Variants in CBLB observed in about 807,000 individuals in gnomAD.
The protein encoded by CBLB is E3 ubiquitin-protein ligase CBL-B.
In CBLB, 31 loss-of-function variants were observed where a neutral mutation model predicts 104.9. The observed-to-expected ratio is 0.30, with a 90% CI of 0.22 to 0.40. The LOEUF (loss-of-function observed/expected upper bound fraction) is 0.40, where lower values mean the gene tolerates loss of function less well. Among genes scored for constraint, CBLB ranks in the 10% least tolerant of loss-of-function variants. CBLB has a pLI of 1.00. For missense variants in CBLB, 1,062 were observed against 1,214.6 expected, an observed-to-expected ratio of 0.87 and a Z score of 1.87; for synonymous variants, 440 against 422.6, an observed-to-expected ratio of 1.04 and a Z score of -0.51.
chr3:105,659,617 TG>T (rs1406507644), intron 18 of CBLB, among the ~76,000 whole-genome samples: 4 of 152,202 alleles, frequency 2.6e-5, no homozygotes, highest in Non-Finnish European at 5.9e-5. Flanking sequence ...CTCTGGTTGA[TG>T]GTTCTCCAGA....
At chr3:105,680,925 T>C (rs1349242641) in intron 16 of CBLB, 2 of 158,918 alleles carry the variant, frequency 1.3e-5, no homozygotes, top group East Asian at 3.7e-4. Flanking sequence ...CCTTCACCTG[T>C]GGATACAAAC....
At chr3:105,729,256 T>A (rs2152847340) in intron 9 of CBLB, among the ~76,000 whole-genome samples, 1 of 152,240 alleles carries the variant, frequency 6.6e-6, no homozygotes, top group African/African-American at 2.4e-5. Flanking sequence ...AATAGAAATT[T>A]CAGGTTTAAT....
intron 10 of CBLB, among the ~76,000 whole-genome samples, chr3:105,714,083 G>A (rs764727676): frequency 2.6e-5 from 4 of 151,736 alleles, no homozygotes; most frequent in African/African-American, 4.8e-5. Flanking sequence ...TTGATCTTAC[G>A]GCTCCAACAC....
chr3:105,709,416 T>C (rs1025205775), intron 10 of CBLB, among the ~76,000 whole-genome samples: 2 of 151,912 alleles, frequency 1.3e-5, no homozygotes, highest in African/African-American at 2.4e-5. Context: ...TTTTTCTCTC[T>C]TCATTATAAA....
At chr3:105,691,088 G>A (rs2152750993) in intron 13 of CBLB, among the ~76,000 whole-genome samples, 1 of 152,308 alleles carries the variant, frequency 6.6e-6, no homozygotes, top group South Asian at 2.1e-4. Context: ...TTTAGCATAT[G>A]CATATGCTTG....
At chr3:105,735,546 T>C (rs2074824661) in intron 8 of CBLB, among the ~76,000 whole-genome samples, 1 of 152,206 alleles carries the variant, frequency 6.6e-6, no homozygotes, top group Non-Finnish European at 1.5e-5. Flanking sequence ...GATTTATTTT[T>C]TTAATGGCTT....
At chr3:105,865,205 G>C (rs2092355513) in intron 2 of CBLB, among the ~76,000 whole-genome samples, 1 of 152,096 alleles carries the variant, frequency 6.6e-6, no homozygotes, top group African/African-American at 2.4e-5. Flanking sequence ...ACAAAAGAGG[G>C]GGATGTTTCT....
Position 105,759,779 on chromosome 3 carries a change from G to A in CBLB, c.567-8161C>T, listed in dbSNP as rs189260571. Among the ~76,000 whole-genome samples the A allele has an allele frequency of 6.6e-4, 100 of 152,250 alleles. 2 individuals carry two copies. In the East Asian group the frequency reaches 0.013, roughly 19 times the overall value. On this transcript the variant is annotated intron_variant, in intron 4 of 18. Coordinates refer to ENST00000394030, the MANE Select transcript of CBLB (RefSeq NM_170662.5). ...GACTTCCTGGGCCCCCAAGAGTATA[G>A]GGATGCCCAGGTCCATAGCTGCAGC...
At chr3:105,776,670 C>G (rs976388594) in intron 3 of CBLB, 128 bp from the exon 4 acceptor site, 6 of 815,504 alleles carry the variant, frequency 7.4e-6, no homozygotes, top group Non-Finnish European at 9.7e-6. Context: ...TGGTTGATCA[C>G]GAAAACCTCA....
rs1175384660 is a variant in CBLB, at chr3:105,776,420, A to T, written c.542T>A (p.Phe181Tyr). The T allele has an allele frequency of 6.2e-7, 1 of 1,613,774 alleles. No homozygotes were observed. The highest frequency in any genetic ancestry group is 1.7e-5 in the Admixed American group (1 of 60,014). The part of the protein sequence containing the change: ...FRITKADAAE[F>Y]WRKFFGDKTI... ...CTTGTCTCCAAAAAACTTTCTCCAG[A>T]ATTCAGCAGCATCTGCTTTTGTGAT... Residue 181 changes from phenylalanine (F) to tyrosine (Y), a missense_variant, in exon 4 of 19, where the codon TTC becomes TAC. Physicochemically the swap from Phe to Tyr is conservative, Grantham distance 22 (BLOSUM62 3). Coordinates refer to ENST00000394030, the MANE Select transcript of CBLB (RefSeq NM_170662.5).
At chr3:105,708,742 T>C (rs1368239503) in intron 10 of CBLB, among the ~76,000 whole-genome samples, 1 of 151,966 alleles carries the variant, frequency 6.6e-6, no homozygotes, top group Non-Finnish European at 1.5e-5. Flanking sequence ...ATTAATGCAT[T>C]TGACAGAACA....
rs759775874 is a variant in CBLB at position 105,702,267 on chromosome 3, G to A, written c.1786C>T (p.Arg596Trp). Residue 596 changes from arginine (R) to tryptophan (W), a missense_variant, in exon 12 of 19, where the codon CGG (arginine) becomes TGG (tryptophan). Arg to Trp is a moderately radical substitution (Grantham distance 101). Coordinates refer to ENST00000394030, the MANE Select transcript of CBLB (RefSeq NM_170662.5). Reference protein sequence around the residue: ...PPMPLEAWCPRDVFGTNQLVG... With the variant: ...PPMPLEAWCPWDVFGTNQLVG... ...AGCTGATTAGTCCCAAACACATCCC[G>A]AGGGCACCATGCTTCAAGAGGCATT... The A allele has an allele frequency of 6.2e-6, 10 of 1,613,810 alleles. No individual in the cohort carries two copies. Among genetic ancestry groups the A allele is most frequent in the African/African-American group, 2.7e-5 (2 of 74,844 alleles).
chr3:105,804,520 C>CAA (rs201528644), intron 3 of CBLB, among the ~76,000 whole-genome samples: 164 of 108,600 alleles, frequency 1.5e-3, no homozygotes, highest in East Asian at 0.014. Context: ...GACTCTGTCT[C>CAA]AAAAAAAAAA....
At chr3:105,867,140 A>G (rs1040850587) in intron 2 of CBLB, among the ~76,000 whole-genome samples, 1 of 152,240 alleles carries the variant, frequency 6.6e-6, no homozygotes, top group Non-Finnish European at 1.5e-5. Flanking sequence ...CCATACACCA[A>G]CAAAAAGCAG....
chr3:105,684,375 A>G (rs1157399580), intron 14 of CBLB, among the ~76,000 whole-genome samples: 1 of 152,244 alleles, frequency 6.6e-6, no homozygotes, highest in Non-Finnish European at 1.5e-5. Context: ...TATAAATTCA[A>G]TAATATAAAT....
chr3:105,869,272 C>T (rs1706758966), upstream of CBLB: 2 of 891,944 alleles, frequency 2.2e-6, no homozygotes, highest in African/African-American at 1.7e-5. Flanking sequence ...CTGGACTCTC[C>T]CGGGAACGAA....
intron 2 of CBLB, among the ~76,000 whole-genome samples, chr3:105,865,269 C>T (rs997149553): frequency 6.6e-6 from 1 of 152,162 alleles, no homozygotes; most frequent in Non-Finnish European, 1.5e-5. Context: ...TTTCTATTTA[C>T]TGTATCTTAC....
At chr3:105,827,316 C>T (rs1450396321) in intron 3 of CBLB, among the ~76,000 whole-genome samples, 1 of 151,688 alleles carries the variant, frequency 6.6e-6, no homozygotes, top group Non-Finnish European at 1.5e-5. Flanking sequence ...CATTATGAAA[C>T]TTTTTTTTTC....
intron 4 of CBLB, among the ~76,000 whole-genome samples, chr3:105,754,525 G>GAGAGAGAAAC (rs1560096650): frequency 2.6e-3 from 41 of 16,010 alleles, no homozygotes; most frequent in South Asian, 8.1e-3. Flanking sequence ...GAGAGAGACA[G>GAGAGAGAAAC]AGAGAGAGAG....
Sources: gnomAD v4.1 joint callset for allele counts (sites outside exome capture counted in the v4.1 genomes callset) on GRCh38, gnomAD v4.1.1 for gene constraint, MANE v1.5 for transcripts, NCBI Gene and HGNC (gene_info 2026-07-23, HGNC 2026-07-21) for gene names.